OPCML: variants seen among roughly 807,000 people sequenced by gnomAD.
OPCML encodes opioid-binding protein/cell adhesion molecule.
OPCML carries 13 observed loss-of-function variants against 37.8 expected under a neutral mutation model. The observed-to-expected ratio is 0.34, with a 90% CI of 0.22 to 0.55. OPCML has a LOEUF of 0.55. Ranked by LOEUF, OPCML falls within the 20% of genes least tolerant of loss-of-function variation. OPCML has a pLI of 0.91. For synonymous variants in OPCML, 176 were observed against 168.8 expected (o/e 1.04, Z -0.33); for missense variants, 341 against 435.6 (o/e 0.78, Z 1.93).
At chr11:133,007,249 T>C in intron 1 of OPCML, 1 of 985,434 alleles carries the variant, frequency 1.0e-6, no homozygotes, top group Non-Finnish European at 1.2e-6. Context: ...TTTTAGCAAT[T>C]TGTGGTTATA....
chr11:132,874,373 C>T (rs1942928592), intron 2 of OPCML, among the ~76,000 whole-genome samples: 1 of 151,980 alleles, frequency 6.6e-6, no homozygotes, highest in Admixed American at 6.6e-5. Context: ...AAAGGAGTAA[C>T]TAGGGAACAA....
rs368694648 is a variant in OPCML, at chr11:132,666,725, G to A, written c.147-9406C>T. ...AGATAGAAGGCAGGGCAGCCATGTG[G>A]GGTCTGGGATTGAGGTTGACTCAGG... On this transcript the variant is annotated intron_variant, in intron 2 of 7. Transcript: ENST00000524381. Among the ~76,000 whole-genome samples the A allele has an allele frequency of 1.9e-4, 29 of 152,338 alleles. 1 individual carries two copies. The highest frequency in any genetic ancestry group is 6.5e-4 in the African/African-American group (27 of 41,574).
intron 1 of OPCML, among the ~76,000 whole-genome samples, chr11:133,246,645 T>C (rs1324182776): frequency 2.0e-5 from 3 of 152,170 alleles, no homozygotes. Flanking sequence ...AAACTCAAGC[T>C]CAATGTGGAT....
intron 1 of OPCML, among the ~76,000 whole-genome samples, chr11:133,330,712 G>T (rs1435586993): frequency 1.3e-5 from 2 of 151,858 alleles, no homozygotes; most frequent in Non-Finnish European, 2.9e-5. Context: ...CGGAAGGATA[G>T]CATAGGAGAT....
At chr11:132,905,907 T>C (rs1591784229) in intron 2 of OPCML, among the ~76,000 whole-genome samples, 1 of 152,182 alleles carries the variant, frequency 6.6e-6, no homozygotes, top group East Asian at 1.9e-4. Flanking sequence ...GTTCAATAAA[T>C]GGGAACTATA....
intron 1 of OPCML, chr11:133,008,334 G>C: frequency 1.0e-6 from 1 of 985,374 alleles, no homozygotes; most frequent in Non-Finnish European, 1.2e-6. Flanking sequence ...ATGAAAATGG[G>C]AAAGAGACCT....
At chr11:132,597,045 A>G (rs1026122765) in intron 3 of OPCML, among the ~76,000 whole-genome samples, 4 of 152,212 alleles carry the variant, frequency 2.6e-5, no homozygotes, top group East Asian at 3.9e-4. Context: ...AATAGCATTT[A>G]TTGAGACACT....
At chr11:132,805,525 A>G (rs1354206455) in intron 2 of OPCML, among the ~76,000 whole-genome samples, 1 of 152,212 alleles carries the variant, frequency 6.6e-6, no homozygotes, top group African/African-American at 2.4e-5. Flanking sequence ...GTTGAAAACC[A>G]AATAAAAAGA....
chr11:132,506,345 A>G (rs1395209624), intron 4 of OPCML, among the ~76,000 whole-genome samples: 4 of 152,220 alleles, frequency 2.6e-5, no homozygotes, highest in Non-Finnish European at 5.9e-5. Flanking sequence ...ATCAGAAAAT[A>G]CAACAATCAC....
intron 1 of OPCML, among the ~76,000 whole-genome samples, chr11:133,383,034 C>T (rs1944965453): frequency 6.6e-6 from 1 of 152,042 alleles, no homozygotes; most frequent in African/African-American, 2.4e-5. Context: ...CTCTCTTGGC[C>T]ACCTTTTTTT....
intron 1 of OPCML, among the ~76,000 whole-genome samples, chr11:133,393,385 T>C (rs1259460309): frequency 6.6e-6 from 1 of 152,224 alleles, no homozygotes; most frequent in Non-Finnish European, 1.5e-5. Flanking sequence ...GTTCACTAAC[T>C]TGGTGTTTGA....
chr11:133,275,156 A>G (rs1447672196), intron 1 of OPCML, among the ~76,000 whole-genome samples: 1 of 152,194 alleles, frequency 6.6e-6, no homozygotes, highest in Non-Finnish European at 1.5e-5. Context: ...AAATTGGATC[A>G]ATTGTCCACA....
Position 132,418,100 on chromosome 11 carries a change from C to T in OPCML, c.*2093G>A, listed in dbSNP as rs934368001. Reference sequence around the variant, plus strand: ...GTGTGTTTCCCCATGGCAGAGGTCACACTCATGTGCCTTGATGGACAAAAA... The same window carrying T: ...GTGTGTTTCCCCATGGCAGAGGTCATACTCATGTGCCTTGATGGACAAAAA... On this transcript the variant is annotated 3_prime_UTR_variant, in exon 8 of 8. Transcript: ENST00000524381. 2.6e-5 allele frequency: 4 copies of T among 152,230 alleles called. No individual in the cohort carries two copies. The highest frequency in any genetic ancestry group is 9.6e-5 in the African/African-American group (4 of 41,464). The allele number at this position is 152,230 out of a possible 1,614,324, so 9.4% of individuals were successfully genotyped here. A position where few individuals can be genotyped will look rare whatever the true frequency, so the allele number is the denominator to read the frequency against.
intron 3 of OPCML, among the ~76,000 whole-genome samples, chr11:132,601,854 AC>A (rs1382028228): frequency 2.0e-5 from 3 of 152,160 alleles, no homozygotes; most frequent in African/African-American, 7.2e-5. Flanking sequence ...AAAAAGGAAA[AC>A]TATAAGAGGC....
intron 1 of OPCML, among the ~76,000 whole-genome samples, chr11:132,969,965 A>G (rs2136751495): frequency 6.6e-6 from 1 of 152,186 alleles, no homozygotes; most frequent in South Asian, 2.1e-4. Flanking sequence ...GAAAAGTCAC[A>G]CTTTCCTGAT....
intron 1 of OPCML, among the ~76,000 whole-genome samples, chr11:133,122,975 CA>C (rs1437238233): frequency 6.6e-6 from 1 of 152,156 alleles, no homozygotes; most frequent in Non-Finnish European, 1.5e-5. Flanking sequence ...TAAAATACTG[CA>C]AAGATAGATA....
At chr11:132,690,176 G>A (rs1943340393) in intron 2 of OPCML, among the ~76,000 whole-genome samples, 1 of 152,138 alleles carries the variant, frequency 6.6e-6, no homozygotes, top group Non-Finnish European at 1.5e-5. Context: ...CTGGGTTCAA[G>A]TGGTCCTCCC....
At chr11:133,214,360 A>T (rs919312474) in intron 1 of OPCML, among the ~76,000 whole-genome samples, 13 of 152,196 alleles carry the variant, frequency 8.5e-5, no homozygotes, top group African/African-American at 2.9e-4. Context: ...CAACACATGT[A>T]CTTATTTTAA....
At chr11:133,052,202 G>A (rs1311032567) in intron 1 of OPCML, among the ~76,000 whole-genome samples, 2 of 152,160 alleles carry the variant, frequency 1.3e-5, no homozygotes, top group Non-Finnish European at 2.9e-5. Flanking sequence ...GAGAGTTGGA[G>A]AATTATAGTT....
Sources: allele counts gnomAD v4.1 joint callset (sites outside exome capture counted in the v4.1 genomes callset), GRCh38; gene constraint gnomAD v4.1.1; transcripts MANE v1.5; gene names NCBI Gene and HGNC (gene_info 2026-07-23, HGNC 2026-07-21).